The following LRMDA variants were observed in gnomAD, a reference collection of about 807,000 sequenced individuals.
LRMDA encodes the protein leucine rich melanocyte differentiation associated, also known as leucine-rich melanocyte differentiation-associated protein.
Under a neutral mutation model 29.8 loss-of-function variants are expected in LRMDA, and 18 were observed. The ratio of observed to expected loss-of-function variants is 0.60; its 90% CI spans 0.42 to 0.90. The LOEUF (loss-of-function observed/expected upper bound fraction) is 0.90. LRMDA is among the 40% of genes least tolerant of loss of function. The pLI is 0.00. For missense variants in LRMDA, 273 were observed against 273.9 expected (o/e 1.00, Z 0.02); for synonymous variants, 125 against 109.4 (o/e 1.14, Z -0.89).
At chr10:75,575,266 C>T (rs952836634) in intron 2 of LRMDA, among the ~76,000 whole-genome samples, 10 of 152,106 alleles carry the variant, frequency 6.6e-5, no homozygotes, top group Admixed American at 2.0e-4. Flanking sequence ...CTGCCCCTGG[C>T]CCCTTCAAAA....
intron 2 of LRMDA, among the ~76,000 whole-genome samples, chr10:75,674,168 A>T (rs1029370688): frequency 6.6e-6 from 1 of 152,190 alleles, no homozygotes; most frequent in Non-Finnish European, 1.5e-5. Flanking sequence ...AACTAGTAAT[A>T]TAAGTTTTAA....
At chr10:76,091,235 A>T (rs1849225937) in intron 5 of LRMDA, among the ~76,000 whole-genome samples, 1 of 151,610 alleles carries the variant, frequency 6.6e-6, no homozygotes, top group Non-Finnish European at 1.5e-5. Context: ...ATCCTCTCTT[A>T]TGCCCACCCC....
chr10:75,712,774 G>A (rs1409554299), intron 2 of LRMDA, among the ~76,000 whole-genome samples: 1 of 152,074 alleles, frequency 6.6e-6, no homozygotes, highest in Non-Finnish European at 1.5e-5. Context: ...GCCAGGGTCT[G>A]CCAGGCTTTC....
intron 2 of LRMDA, among the ~76,000 whole-genome samples, chr10:75,990,656 G>A (rs1847351871): frequency 6.6e-6 from 1 of 152,156 alleles, no homozygotes; most frequent in Non-Finnish European, 1.5e-5. Context: ...AGCCCTTCTG[G>A]CATTATATTT....
At chr10:75,774,893 G>A (rs1486135289) in intron 2 of LRMDA, among the ~76,000 whole-genome samples, 1 of 152,192 alleles carries the variant, frequency 6.6e-6, no homozygotes, top group African/African-American at 2.4e-5. Flanking sequence ...AAGGGTCATT[G>A]TTTCCAAAAT....
chr10:75,915,686 C>T (rs1000601565), intron 2 of LRMDA, among the ~76,000 whole-genome samples: 2 of 152,178 alleles, frequency 1.3e-5, no homozygotes, highest in African/African-American at 4.8e-5. Context: ...AAGCTCTGAA[C>T]TAGGCTACTT....
intron 2 of LRMDA, among the ~76,000 whole-genome samples, chr10:75,618,267 A>T (rs552309178): frequency 6.6e-6 from 1 of 151,668 alleles, no homozygotes; most frequent in Non-Finnish European, 1.5e-5. Context: ...GGAAAAATTT[A>T]CTTCCAACAT....
At position 76,453,285 on chromosome 10, in the gene LRMDA, T is replaced by C. The variant is rs149392264; in HGVS notation, c.602-103924T>C. Among the ~76,000 whole-genome samples, 416 of 152,296 alleles carry C rather than the reference T, an allele frequency of 2.7e-3. 1 individual carries two copies. The highest frequency in any genetic ancestry group is 9.3e-3 in the African/African-American group (385 of 41,560). ...TGGGATTCTGCCATGCCAGTACTAG[T>C]TTGGCCATGTTGATATGAAAGAGTA... On this transcript the variant is annotated intron_variant, in intron 6 of 6. Coordinates refer to ENST00000611255, the MANE Select transcript of LRMDA (RefSeq NM_001305581.2).
At chr10:75,989,635 T>C (rs1847324445) in intron 2 of LRMDA, among the ~76,000 whole-genome samples, 1 of 152,208 alleles carries the variant, frequency 6.6e-6, no homozygotes, top group Non-Finnish European at 1.5e-5. Flanking sequence ...TGTCATGGGT[T>C]ACAGAGTGCC....
chr10:75,904,512 A>G (rs1251622116), intron 2 of LRMDA, among the ~76,000 whole-genome samples: 3 of 152,174 alleles, frequency 2.0e-5, no homozygotes, highest in Non-Finnish European at 4.4e-5. Flanking sequence ...ATTTGACAGT[A>G]TGTTACGACA....
chr10:75,812,108 A>ATT lies in LRMDA; in HGVS notation c.132-223871_132-223870dup, dbSNP rs67846089. On this transcript the variant is annotated intron_variant, in intron 2 of 6. Transcript: ENST00000611255. ...TAGTTTCTAAGGGGCTTTAATTGTGATTTTTTTTTTTTTTTTTTTTTTTTT... is the reference window on the plus strand; with the variant it reads ...TAGTTTCTAAGGGGCTTTAATTGTGATTTTTTTTTTTTTTTTTTTTTTTTTTT... Among the ~76,000 whole-genome samples the ATT allele has an allele frequency of 4.1e-3, 188 of 46,282 alleles. 12 individuals are homozygous for ATT. The highest frequency in any genetic ancestry group is 0.018 in the African/African-American group (150 of 8,378). 30.4% of individuals were successfully genotyped at this position (46,282 alleles called of 152,430 possible). A position where few individuals can be genotyped will look rare whatever the true frequency, so the allele number is the denominator to read the frequency against.
At chr10:75,577,050 CAGA>C (rs1334815714) in intron 2 of LRMDA, among the ~76,000 whole-genome samples, 1 of 152,242 alleles carries the variant, frequency 6.6e-6, no homozygotes, top group East Asian at 1.9e-4. Flanking sequence ...GATGAGCTGA[CAGA>C]AGAAGGCTTC....
intron 2 of LRMDA, among the ~76,000 whole-genome samples, chr10:75,972,730 C>A (rs1237765220): frequency 6.6e-6 from 1 of 152,062 alleles, no homozygotes; most frequent in East Asian, 1.9e-4. Flanking sequence ...CGGAGAGAGG[C>A]CTGCAGCAGT....
intron 2 of LRMDA, among the ~76,000 whole-genome samples, chr10:75,577,954 T>C (rs1840529337): frequency 6.6e-6 from 1 of 150,702 alleles, no homozygotes; most frequent in South Asian, 2.1e-4. Context: ...GTAAAGACCA[T>C]GGATGCTATG....
chr10:76,069,660 A>G (rs1848844263), intron 5 of LRMDA, among the ~76,000 whole-genome samples: 1 of 148,080 alleles, frequency 6.8e-6, no homozygotes, highest in Non-Finnish European at 1.5e-5. Context: ...TACTTTATGC[A>G]GTTTTTAACT....
Position 76,409,994 on chromosome 10 carries a change from A to G in LRMDA, c.601+85509A>G, listed in dbSNP as rs368817750. Among the ~76,000 whole-genome samples the G allele has an allele frequency of 3.3e-5, 5 of 152,280 alleles. No homozygotes were observed. In the South Asian group the frequency reaches 1.0e-3, roughly 32 times the overall value. On this transcript the variant is annotated intron_variant, in intron 6 of 6. Transcript: ENST00000611255. ...GCAAGGATTAGGGAAGTCTTCCTGGAAGAGGTAACATTGAAGCCTCGACAA... is the reference window on the plus strand; with the variant it reads ...GCAAGGATTAGGGAAGTCTTCCTGGGAGAGGTAACATTGAAGCCTCGACAA...
At chr10:76,039,235 C>T (rs11001596) in intron 3 of LRMDA, among the ~76,000 whole-genome samples, 8,059 of 152,240 alleles carry the variant, frequency 0.053, 304 homozygotes, top group South Asian at 0.17. Context: ...TAACAATCTA[C>T]CCAGGAGACC....
chr10:76,288,433 C>T (rs1056407550), intron 5 of LRMDA, among the ~76,000 whole-genome samples: 3 of 152,112 alleles, frequency 2.0e-5, no homozygotes, highest in African/African-American at 7.2e-5. Flanking sequence ...GTGGCACATA[C>T]CCACTATGGA....
chr10:76,310,186 A>G (rs946958208), intron 5 of LRMDA, among the ~76,000 whole-genome samples: 1 of 152,210 alleles, frequency 6.6e-6, no homozygotes, highest in Admixed American at 6.5e-5. Context: ...ACCAAAGCTG[A>G]ATGCCAGCTC....
Sources: allele counts gnomAD v4.1 joint callset (sites outside exome capture counted in the v4.1 genomes callset), GRCh38; gene constraint gnomAD v4.1.1; transcripts MANE v1.5; gene names NCBI Gene and HGNC (gene_info 2026-07-23, HGNC 2026-07-21).